Variants in NDST4 observed in about 807,000 individuals in gnomAD.
NDST4 encodes N-heparan sulfate sulfotransferase 4.
In NDST4, 63 loss-of-function variants were observed where a neutral mutation model predicts 100.8. The ratio of observed to expected loss-of-function variants is 0.62; its 90% CI spans 0.51 to 0.77. NDST4 has a LOEUF of 0.77. Ranked by LOEUF, NDST4 falls within the 30% of genes least tolerant of loss-of-function variation. NDST4 has a pLI of 0.00. For missense variants in NDST4, 943 were observed against 1,018.4 expected (o/e 0.93, Z 1.01); for synonymous variants, 377 against 361.8 (o/e 1.04, Z -0.48).
At chr4:114,912,568 G>A (rs1426658443) in intron 6 of NDST4, among the ~76,000 whole-genome samples, 1 of 152,120 alleles carries the variant, frequency 6.6e-6, no homozygotes, top group East Asian at 1.9e-4. Context: ...AAGCAAGGAG[G>A]AAGACGGTAG....
intron 2 of NDST4, among the ~76,000 whole-genome samples, chr4:115,008,346 T>C (rs1682675432): frequency 7.7e-6 from 1 of 129,038 alleles, no homozygotes; most frequent in Admixed American, 7.9e-5. Flanking sequence ...CTGGTACCAG[T>C]TGTTCCTTTC....
intron 4 of NDST4, among the ~76,000 whole-genome samples, chr4:114,943,741 A>G (rs183905203): frequency 2.0e-4 from 30 of 152,298 alleles, no homozygotes; most frequent in Admixed American, 6.5e-4. Context: ...GGCTTTGCCA[A>G]GTATTAGTTG....
At position 114,870,750 on chromosome 4, in the gene NDST4, G is replaced by C; in HGVS notation, c.1719+18C>G. 1 of 1,582,638 alleles carries C rather than the reference G, an allele frequency of 6.3e-7. No individual in the cohort carries two copies. On this transcript the variant is annotated intron_variant, in intron 7 of 13. Transcript: ENST00000264363. ...TAGTTTCTTTCCTTCCACCCCAAGA[G>C]AGAATGTTAAATGTTACCTGCCATA...
At chr4:114,955,008 G>T (rs1578411575) in intron 4 of NDST4, among the ~76,000 whole-genome samples, 1 of 152,244 alleles carries the variant, frequency 6.6e-6, no homozygotes, top group Admixed American at 6.5e-5. Flanking sequence ...AAGCTGCTAT[G>T]CTTCTTATAA....
At chr4:114,850,972 C>A (rs1334155040) in intron 8 of NDST4, among the ~76,000 whole-genome samples, 1 of 152,186 alleles carries the variant, frequency 6.6e-6, no homozygotes. Flanking sequence ...CTTCCTCATT[C>A]CCTGACCGAC....
chr4:115,056,855 T>C (rs569193962), intron 2 of NDST4, among the ~76,000 whole-genome samples: 4 of 152,104 alleles, frequency 2.6e-5, no homozygotes, highest in African/African-American at 7.2e-5. Context: ...AAATCCTTCA[T>C]GTTTTTGGAT....
chr4:114,954,370 A>G (rs1282583951), intron 4 of NDST4, among the ~76,000 whole-genome samples: 3 of 152,144 alleles, frequency 2.0e-5, no homozygotes, highest in African/African-American at 7.2e-5. Flanking sequence ...TCCTAGATGC[A>G]TATCTATCAT....
At chr4:114,830,413 C>T (rs1723170140) in intron 12 of NDST4, among the ~76,000 whole-genome samples, 1 of 152,164 alleles carries the variant, frequency 6.6e-6, no homozygotes, top group African/African-American at 2.4e-5. Flanking sequence ...AAAATGCTTA[C>T]ACTTTTCAAA....
intron 4 of NDST4, among the ~76,000 whole-genome samples, chr4:114,962,371 C>A (rs1726282799): frequency 1.3e-5 from 2 of 151,956 alleles, no homozygotes; most frequent in Non-Finnish European, 2.9e-5. Context: ...AAAAGTATTT[C>A]TATTTGCACA....
intron 2 of NDST4, among the ~76,000 whole-genome samples, chr4:115,001,923 A>G (rs1048712497): frequency 6.6e-6 from 1 of 152,194 alleles, no homozygotes; most frequent in Non-Finnish European, 1.5e-5. Context: ...AGAGTGAGGT[A>G]TGAACCCTAC....
intron 6 of NDST4, among the ~76,000 whole-genome samples, chr4:114,883,201 T>G (rs569967144): frequency 7.9e-5 from 12 of 152,166 alleles, no homozygotes; most frequent in South Asian, 4.1e-4. Flanking sequence ...AATTTTTTAT[T>G]TTTAATTAAT....
At chr4:115,067,873 C>T (rs1228742430) in intron 2 of NDST4, among the ~76,000 whole-genome samples, 1 of 151,086 alleles carries the variant, frequency 6.6e-6, no homozygotes, top group East Asian at 2.0e-4. Flanking sequence ...AGGTATATCT[C>T]CTAATGCTAT....
intron 6 of NDST4, among the ~76,000 whole-genome samples, chr4:114,919,879 A>G (rs1469543550): frequency 6.6e-6 from 1 of 152,194 alleles, no homozygotes; most frequent in Non-Finnish European, 1.5e-5. Flanking sequence ...ATTTGGAAGG[A>G]GAGTTGACAG....
At chr4:115,017,103 G>A (rs1190080101) in intron 2 of NDST4, among the ~76,000 whole-genome samples, 5 of 151,812 alleles carry the variant, frequency 3.3e-5, no homozygotes, top group Admixed American at 2.6e-4. Flanking sequence ...TGTTCAATTA[G>A]TTACTTGATT....
rs751817832 is a variant in NDST4 at position 115,076,826 on chromosome 4, T to C, written c.211A>G (p.Ile71Val). ...GTAGGGTCCGTTTTGGATGTGTCAA[T>C]AGGTTTAACTGTTTTCAGCTCCATT... ...RSMELKTVKP[I>V]DTSKTDPTVL... Residue 71 changes from isoleucine to valine, a missense_variant, in exon 2 of 14, where the codon ATT (isoleucine) becomes GTT (valine). Physicochemically the swap from Ile to Val is conservative, Grantham distance 29 (BLOSUM62 3). Around this residue, in one of 2 missense-constraint regions of NDST4, gnomAD observed 417 missense variants for 384.2 expected, o/e 1.09. Coordinates refer to ENST00000264363, the MANE Select transcript of NDST4 (RefSeq NM_022569.3). The C allele has an allele frequency of 3.1e-6, 5 of 1,613,900 alleles. No homozygotes were observed. Among genetic ancestry groups the C allele is most frequent in the East Asian group, 4.5e-5 (2 of 44,820 alleles).
chr4:115,045,558 T>G (rs187502843), intron 2 of NDST4, among the ~76,000 whole-genome samples: 1 of 152,202 alleles, frequency 6.6e-6, no homozygotes, highest in East Asian at 1.9e-4. Context: ...AAGGGTGATC[T>G]TCCTCTTGCT....
At chr4:115,037,830 A>T (rs965019081) in intron 2 of NDST4, among the ~76,000 whole-genome samples, 1 of 152,168 alleles carries the variant, frequency 6.6e-6, no homozygotes, top group African/African-American at 2.4e-5. Context: ...TGTCCCCCTC[A>T]GTAGCCTACA....
At position 114,992,197 on chromosome 4, in the gene NDST4, C is replaced by A. The variant is rs193175556; in HGVS notation, c.979-14923G>T. Among the ~76,000 whole-genome samples the A allele has an allele frequency of 1.2e-3, 187 of 151,700 alleles. 2 individuals are homozygous for A. The highest frequency in any genetic ancestry group is 2.4e-4 in the Non-Finnish European group (16 of 67,758). On this transcript the variant is annotated intron_variant, in intron 2 of 13. Transcript: ENST00000264363. ...ATTTCCTTTTTCTGTTCCAGGATCCCATCAGGATAACACATTACATTTATT... is the reference window on the plus strand; with the variant it reads ...ATTTCCTTTTTCTGTTCCAGGATCCAATCAGGATAACACATTACATTTATT...
chr4:114,871,478 C>A (rs2126197091), intron 6 of NDST4, among the ~76,000 whole-genome samples: 1 of 152,180 alleles, frequency 6.6e-6, no homozygotes, highest in Admixed American at 6.6e-5. Context: ...CCTTTTACAA[C>A]TTTTCATACC....
Sources: allele counts gnomAD v4.1 joint callset (sites outside exome capture counted in the v4.1 genomes callset), GRCh38; gene constraint gnomAD v4.1.1; regional missense constraint gnomAD v4.1.1; transcripts MANE v1.5; gene names NCBI Gene and HGNC (gene_info 2026-07-23, HGNC 2026-07-21).